Variants in FER observed in about 807,000 individuals in gnomAD.
The protein encoded by FER is FER tyrosine kinase.
A neutral mutation model predicts 111.0 loss-of-function variants in FER; 63 were observed. The observed-to-expected ratio is 0.57, with a 90% CI of 0.46 to 0.70. FER has a LOEUF of 0.70. Ranked by LOEUF, FER falls within the 30% of genes least tolerant of loss-of-function variation. FER has a pLI of 0.00. For missense variants in FER, 914 were observed against 954.0 expected, an observed-to-expected ratio of 0.96 and a Z score of 0.55; for synonymous variants, 327 against 313.9, an observed-to-expected ratio of 1.04 and a Z score of -0.44.
At chr5:109,010,766 A>T (rs1766159254) in intron 13 of FER, among the ~76,000 whole-genome samples, 1 of 152,156 alleles carries the variant, frequency 6.6e-6, no homozygotes, top group African/African-American at 2.4e-5. Context: ...TAAATTTGGA[A>T]CATCTGCCCT....
intron 13 of FER, among the ~76,000 whole-genome samples, chr5:109,035,546 A>C (rs895049699): frequency 5.9e-5 from 9 of 152,200 alleles, no homozygotes. Context: ...TTTGATGGAC[A>C]TATGAGTTGT....
At chr5:108,790,273 A>T (rs965820556) in intron 2 of FER, among the ~76,000 whole-genome samples, 6 of 141,846 alleles carry the variant, frequency 4.2e-5, no homozygotes, top group Admixed American at 7.2e-5. Flanking sequence ...ACACACACAC[A>T]CTCTTACATA....
At chr5:109,095,565 C>T (rs1245111323) in intron 16 of FER, among the ~76,000 whole-genome samples, 2 of 152,056 alleles carry the variant, frequency 1.3e-5, no homozygotes, top group Non-Finnish European at 2.9e-5. Context: ...GTCCTCTCCT[C>T]TTCAGGAACT....
At chr5:109,139,378 T>G (rs113126704) in intron 17 of FER, among the ~76,000 whole-genome samples, 14,490 of 127,766 alleles carry the variant, frequency 0.11, 781 homozygotes, top group Non-Finnish European at 0.13. Flanking sequence ...TGAGGCAGAG[T>G]CTCGCTCTGT....
chr5:109,106,343 G>A lies in FER; in HGVS notation c.2048+5824G>A, dbSNP rs963053813. 7.2e-5 allele frequency among the ~76,000 whole-genome samples: 11 copies of A among 152,028 alleles called. No individual in the cohort carries two copies. The South Asian group carries it at 1.9e-3, about 26-fold the overall frequency. On this transcript the variant is annotated intron_variant, in intron 17 of 19. Transcript: ENST00000281092. ...TTGTTGTTGCTTCTCTATTTAATAA[G>A]AGTTTGAATTTTTTTTCATTTTTAT... is the stretch of plus-strand genomic sequence containing the variant.
chr5:108,818,825 A>G (rs888596209), intron 3 of FER, among the ~76,000 whole-genome samples: 2 of 152,308 alleles, frequency 1.3e-5, no homozygotes. Context: ...AGAGTGACTC[A>G]CCAATCTTGC....
intron 17 of FER, among the ~76,000 whole-genome samples, chr5:109,103,238 A>G (rs145673797): frequency 1.4e-4 from 21 of 152,256 alleles, no homozygotes; most frequent in Non-Finnish European, 3.1e-4. Context: ...AAAAATTTTA[A>G]ATCTTCTTTA....
chr5:108,811,983 C>CT (rs1166621288), intron 3 of FER, among the ~76,000 whole-genome samples: 5 of 152,118 alleles, frequency 3.3e-5, no homozygotes, highest in Admixed American at 6.5e-5. Flanking sequence ...CTGGAAACAC[C>CT]CTCAAAGACA....
chr5:109,168,493 A>T (rs2126784723), intron 17 of FER, among the ~76,000 whole-genome samples: 1 of 152,272 alleles, frequency 6.6e-6, no homozygotes, highest in South Asian at 2.1e-4. Flanking sequence ...TGAAGCCTCC[A>T]TAAAAACCCA....
chr5:109,189,979 A>C lies in FER; in HGVS notation c.*2404A>C, dbSNP rs989184861. On this transcript the variant is annotated 3_prime_UTR_variant, in exon 20 of 20. Transcript: ENST00000281092. ...TTTTATTCTTTGTCCTAAAGCAGGC[A>C]GTGGTATAGTTCAGGATTAATAACT... 1 of 152,236 alleles carries C rather than the reference A, an allele frequency of 6.6e-6. No homozygotes were observed. The highest frequency in any genetic ancestry group is 2.4e-5 in the African/African-American group (1 of 41,470). 9.4% of individuals were successfully genotyped at this position (152,236 alleles called of 1,614,324 possible).
Position 109,187,572 on chromosome 5 carries a change from A to G in FER, c.2466A>G (p.Thr822=), listed in dbSNP as rs964801453. 1.2e-5 allele frequency: 20 copies of G among 1,614,118 alleles called. No homozygotes were observed. The highest frequency in any genetic ancestry group is 1.5e-5 in the Non-Finnish European group (18 of 1,179,994). ...TCACTATCATCAAGAGAAAACTCAC[A>G]TAGTGACAGGATGGCGCCAAACTCA... ...KELTIIKRKL[T] is the part of the protein sequence containing the mutation. Residue 822 remains threonine (T), a synonymous_variant, in exon 20 of 20, where the codon ACA becomes ACG. Coordinates refer to ENST00000281092, the MANE Select transcript of FER (RefSeq NM_005246.4).
chr5:109,023,632 T>G (rs974361549), intron 13 of FER, among the ~76,000 whole-genome samples: 4 of 151,926 alleles, frequency 2.6e-5, no homozygotes, highest in African/African-American at 9.7e-5. Flanking sequence ...TCTATCTCAG[T>G]ATTGTTTGTG....
At chr5:109,060,287 AAT>A (rs1774221347) in intron 16 of FER, among the ~76,000 whole-genome samples, 2 of 152,192 alleles carry the variant, frequency 1.3e-5, no homozygotes, top group Non-Finnish European at 2.9e-5. Context: ...ACTAAGCTTC[AAT>A]ATACTTCTTA....
At chr5:109,015,328 T>C (rs896308910) in intron 13 of FER, among the ~76,000 whole-genome samples, 3 of 152,116 alleles carry the variant, frequency 2.0e-5, no homozygotes, top group Non-Finnish European at 4.4e-5. Context: ...CGTCAAATAA[T>C]ACTTTCTTTT....
At chr5:108,782,550 T>G (rs1415670731) in intron 2 of FER, 1 of 152,244 alleles carries the variant, frequency 6.6e-6, no homozygotes, top group African/African-American at 2.4e-5. Context: ...GCTTTAGATC[T>G]GAAAGATTTC....
chr5:108,864,637 T>C (rs1028187986), intron 5 of FER, among the ~76,000 whole-genome samples: 1 of 152,196 alleles, frequency 6.6e-6, no homozygotes, highest in Non-Finnish European at 1.5e-5. Context: ...GTGCTTGTTT[T>C]TGTCAGGGTT....
intron 5 of FER, among the ~76,000 whole-genome samples, chr5:108,866,861 T>G (rs1764120681): frequency 6.6e-6 from 1 of 152,202 alleles, no homozygotes; most frequent in Non-Finnish European, 1.5e-5. Context: ...TCTTTATATC[T>G]TCATTTGCTT....
chr5:109,080,876 A>G (rs1456575746), intron 16 of FER, among the ~76,000 whole-genome samples: 1 of 152,044 alleles, frequency 6.6e-6, no homozygotes, highest in Non-Finnish European at 1.5e-5. Flanking sequence ...CAGGTCACGT[A>G]TGCACAGTTA....
intron 10 of FER, among the ~76,000 whole-genome samples, chr5:108,915,960 G>C (rs917342923): frequency 6.6e-6 from 1 of 152,016 alleles, no homozygotes; most frequent in Non-Finnish European, 1.5e-5. Context: ...GCTTGACACA[G>C]GGTACTATGA....
Sources: gnomAD v4.1 joint callset for allele counts (sites outside exome capture counted in the v4.1 genomes callset) on GRCh38, gnomAD v4.1.1 for gene constraint, MANE v1.5 for transcripts, NCBI Gene and HGNC (gene_info 2026-07-23, HGNC 2026-07-21) for gene names.